The following RORA variants were observed in gnomAD, a reference collection of about 807,000 sequenced individuals.
The protein encoded by RORA is RAR related orphan receptor A.
Under a neutral mutation model 69.5 loss-of-function variants are expected in RORA, and 7 were observed. The ratio of observed to expected loss-of-function variants is 0.10; its 90% CI spans 0.06 to 0.19. The LOEUF is 0.19. Ranked by LOEUF, RORA falls within the 10% of genes least tolerant of loss-of-function variation. The pLI is 1.00. For missense variants in RORA, 457 were observed against 663.0 expected (o/e 0.69, Z 3.41); for synonymous variants, 261 against 240.8 (o/e 1.08, Z -0.78).
At chr15:60,638,951 G>A (rs2140669272) in intron 2 of RORA, among the ~76,000 whole-genome samples, 1 of 152,064 alleles carries the variant, frequency 6.6e-6, no homozygotes, top group East Asian at 1.9e-4. Context: ...TTCATTAGTA[G>A]ATAATTCTCT....
intron 1 of RORA, among the ~76,000 whole-genome samples, chr15:61,085,078 A>G (rs558954104): frequency 1.3e-5 from 2 of 152,064 alleles, no homozygotes; most frequent in East Asian, 1.9e-4. Context: ...AGGATGCTCT[A>G]GGGAGCTGTT....
chr15:60,773,437 G>C (rs904585651), intron 1 of RORA, among the ~76,000 whole-genome samples: 1 of 152,024 alleles, frequency 6.6e-6, no homozygotes, highest in Non-Finnish European at 1.5e-5. Context: ...CCGAGAATGG[G>C]AATAATTTCT....
chr15:60,963,970 G>A (rs1251210979), intron 1 of RORA, among the ~76,000 whole-genome samples: 1 of 152,208 alleles, frequency 6.6e-6, no homozygotes, highest in Non-Finnish European at 1.5e-5. Context: ...GAAAAGCAAG[G>A]TGGATTTAGC....
chr15:61,075,897 G>A (rs1256183450), intron 1 of RORA, among the ~76,000 whole-genome samples: 1 of 152,174 alleles, frequency 6.6e-6, no homozygotes, highest in African/African-American at 2.4e-5. Context: ...ATACGGGCTT[G>A]TGGAATTACT....
At chr15:60,901,732 AG>A (rs1222309672) in intron 1 of RORA, among the ~76,000 whole-genome samples, 30 of 152,364 alleles carry the variant, frequency 2.0e-4, no homozygotes, top group African/African-American at 6.5e-4. Context: ...CTCTGGCATC[AG>A]GTTGGATGCC....
At chr15:61,048,518 C>T (rs1422116354) in intron 1 of RORA, among the ~76,000 whole-genome samples, 2 of 152,166 alleles carry the variant, frequency 1.3e-5, no homozygotes, top group African/African-American at 2.4e-5. Flanking sequence ...TTCCTTTTGC[C>T]CCACACCCCA....
intron 1 of RORA, among the ~76,000 whole-genome samples, chr15:60,754,701 G>A (rs1176604865): frequency 6.6e-6 from 1 of 152,182 alleles, no homozygotes; most frequent in Admixed American, 6.5e-5. Context: ...TAGACTGTCA[G>A]AGGTTTGCTG....
At chr15:60,977,396 T>C (rs989954469) in intron 1 of RORA, among the ~76,000 whole-genome samples, 2 of 152,166 alleles carry the variant, frequency 1.3e-5, no homozygotes, top group Non-Finnish European at 2.9e-5. Flanking sequence ...TACATTTAAG[T>C]AAGTATATAA....
Position 60,783,212 on chromosome 15 carries a change from G to A in RORA, c.167-104526C>T, listed in dbSNP as rs79370276. The stretch of plus-strand genomic sequence containing the variant: ...AAGATCTAATGTCACTGGAATCAGA[G>A]GATTTACTTGAATGTTTTTATCTTT... On this transcript the variant is annotated intron_variant, in intron 1 of 10. Transcript: ENST00000335670. Among the ~76,000 whole-genome samples the A allele has an allele frequency of 5.6e-3, 848 of 152,184 alleles. 6 individuals are homozygous for A. Among genetic ancestry groups the A allele is most frequent in the African/African-American group, 0.019 (799 of 41,500 alleles).
chr15:60,580,761 G>A (rs780052675), intron 2 of RORA, among the ~76,000 whole-genome samples: 1 of 152,216 alleles, frequency 6.6e-6, no homozygotes, highest in African/African-American at 2.4e-5. Context: ...CACTTCCTTT[G>A]TCTTGTGCTC....
At chr15:60,502,083 T>G (rs2065348441) in intron 8 of RORA, among the ~76,000 whole-genome samples, 1 of 152,148 alleles carries the variant, frequency 6.6e-6, no homozygotes, top group Non-Finnish European at 1.5e-5. Flanking sequence ...CGGTTTCAAG[T>G]GATTCTCCTG....
At chr15:60,949,581 C>T (rs1005838121) in intron 1 of RORA, among the ~76,000 whole-genome samples, 37 of 152,192 alleles carry the variant, frequency 2.4e-4, no homozygotes, top group Admixed American at 8.5e-4. Context: ...CTCGTCTGAA[C>T]TCTGAGCTGG....
In RORA at chr15:60,505,751, T is replaced by G. The variant is rs555949725; in HGVS notation, c.821-122A>C. On this transcript the variant is annotated intron_variant, in intron 5 of 10. Transcript: ENST00000335670. The stretch of plus-strand genomic sequence containing the variant: ...ATGTGCTGTGCGAGTTTTGACTGTC[T>G]TTACACATTTAAACAAGTAATTTGG... The G allele has an allele frequency of 3.6e-4, 397 of 1,101,536 alleles. 1 individual carries two copies. In the African/African-American group the frequency reaches 5.5e-3, roughly 15 times the overall value. The allele number at this position is 1,101,536 out of a possible 1,614,324, so 68.2% of individuals were successfully genotyped here. A position where few individuals can be genotyped will look rare whatever the true frequency, so the allele number is the denominator to read the frequency against.
chr15:61,136,286 C>T (rs1480546728), intron 1 of RORA, among the ~76,000 whole-genome samples: 1 of 152,130 alleles, frequency 6.6e-6, no homozygotes, highest in Non-Finnish European at 1.5e-5. Context: ...ATACCATTTC[C>T]CCCCATTTTG....
intron 1 of RORA, among the ~76,000 whole-genome samples, chr15:60,815,051 A>T (rs1299046463): frequency 6.6e-6 from 1 of 152,054 alleles, no homozygotes; most frequent in East Asian, 1.9e-4. Context: ...TTTTTTTCCC[A>T]CGGTTTGACC....
At chr15:60,871,516 A>C (rs990443299) in intron 1 of RORA, among the ~76,000 whole-genome samples, 1 of 152,240 alleles carries the variant, frequency 6.6e-6, no homozygotes, top group African/African-American at 2.4e-5. Context: ...CATCAAATAA[A>C]TATTAATATC....
intron 1 of RORA, among the ~76,000 whole-genome samples, chr15:61,133,951 G>A (rs2079214621): frequency 6.6e-6 from 1 of 152,174 alleles, no homozygotes; most frequent in Non-Finnish European, 1.5e-5. Context: ...AAACACAACT[G>A]AAAGGAGAGG....
intron 1 of RORA, among the ~76,000 whole-genome samples, chr15:60,697,902 C>A (rs1039730254): frequency 1.3e-5 from 2 of 152,160 alleles, no homozygotes; most frequent in African/African-American, 4.8e-5. Flanking sequence ...AGTCAGCCAA[C>A]AACACTTCCG....
intron 1 of RORA, among the ~76,000 whole-genome samples, chr15:60,921,908 A>C (rs1183337791): frequency 1.3e-5 from 2 of 152,188 alleles, no homozygotes; most frequent in African/African-American, 2.4e-5. Context: ...AAAATTTTAA[A>C]AATGTGATGG....
Sources: allele counts gnomAD v4.1 joint callset (sites outside exome capture counted in the v4.1 genomes callset), GRCh38; gene constraint gnomAD v4.1.1; transcripts MANE v1.5; gene names NCBI Gene and HGNC (gene_info 2026-07-23, HGNC 2026-07-21).